TRPC5: variants seen among roughly 807,000 people sequenced by gnomAD.
TRPC5 encodes transient receptor potential cation channel subfamily C member 5, also known as short transient receptor potential channel 5.
In TRPC5, 9 loss-of-function variants were observed where a neutral mutation model predicts 56.5. The observed-to-expected ratio is 0.16, with a 90% CI of 0.10 to 0.28. The LOEUF is 0.28. Ranked by LOEUF, TRPC5 falls within the 10% of genes least tolerant of loss-of-function variation. The pLI, the probability that TRPC5 is intolerant of heterozygous loss-of-function variation, is 1.00. For missense variants in TRPC5, 469 were observed against 748.9 expected (o/e 0.63, Z 4.36); for synonymous variants, 282 against 278.5 (o/e 1.01, Z -0.13).
At chrX:111,867,130 A>G (rs1213627331) in intron 3 of TRPC5, among the ~76,000 whole-genome samples, 1 of 111,845 alleles carries the variant, frequency 8.9e-6, no homozygotes, top group Non-Finnish European at 1.9e-5. Context: ...GATGGTAAAC[A>G]TGTCAGGTTC....
intron 7 of TRPC5, among the ~76,000 whole-genome samples, chrX:111,810,951 T>C (rs1338990473): frequency 8.9e-6 from 1 of 112,135 alleles, no homozygotes; most frequent in Non-Finnish European, 1.9e-5. Context: ...TGAAGAAATA[T>C]GACAAAGCAA....
At position 111,776,574 on chromosome X, in the gene TRPC5, C is replaced by G; in HGVS notation, c.2661G>C (p.Glu887Asp). The G allele has an allele frequency of 8.3e-7, 1 of 1,211,976 alleles. No individual in the cohort carries two copies. The highest frequency in any genetic ancestry group is 1.8e-5 in the South Asian group (1 of 56,992). ...GAGAACAGGCCTCTGCTTTCCCTTT[C>G]TCCATCTGAGAATATCTGATGTCCT... is the stretch of plus-strand genomic sequence containing the variant. ...MWQDIRYSQM[E>D]KGKAEACSQS... The change falls in exon 11 of 11, where the codon GAG (glutamate) becomes GAC (aspartate). Residue 887 changes from glutamate to aspartate, a missense_variant. Coordinates refer to ENST00000262839, the MANE Select transcript of TRPC5 (RefSeq NM_012471.3).
chrX:112,060,013 A>T (rs1211292928), intron 1 of TRPC5, among the ~76,000 whole-genome samples: 1 of 112,257 alleles, frequency 8.9e-6, no homozygotes, highest in Admixed American at 9.5e-5. Flanking sequence ...GACACTGAGG[A>T]CTTATCAAGC....
At chrX:111,781,799 G>A (rs1945922030) in intron 8 of TRPC5, 136 bp downstream of exon 8, 1 of 484,497 alleles carries the variant, frequency 2.1e-6, no homozygotes, top group African/African-American at 2.5e-5. Context: ...GGAGGCTGAG[G>A]CATGAGAATT....
At position 111,952,048 on chromosome X, in the gene TRPC5, T is replaced by G; in HGVS notation, c.373A>C (p.Lys125Gln). 2 of 1,203,033 alleles carry G rather than the reference T, an allele frequency of 1.7e-6. No homozygotes were observed. The highest frequency in any genetic ancestry group is 2.2e-6 in the Non-Finnish European group (2 of 890,322). The change falls in exon 2 of 11, where the codon AAG becomes CAG. Residue 125 changes from lysine to glutamine, a missense_variant. Transcript: ENST00000262839. ...LLSYRRPSGE[K>Q]QVPTLMMDTQ... ...CCTATAGGAATTTCTCTTACCTGCT[T>G]CTCTCCGCTGGGCCGCCTGTAGCTG...
At chrX:111,854,595 A>G (rs894163411) in intron 3 of TRPC5, among the ~76,000 whole-genome samples, 3 of 111,806 alleles carry the variant, frequency 2.7e-5, no homozygotes, top group African/African-American at 9.8e-5. Flanking sequence ...TCATGGAGAT[A>G]TTTCATTTCA....
intron 3 of TRPC5, among the ~76,000 whole-genome samples, chrX:111,858,176 G>A (rs1473990572): frequency 8.9e-6 from 1 of 111,866 alleles, no homozygotes; most frequent in Non-Finnish European, 1.9e-5. Flanking sequence ...AGCTTTGAAA[G>A]CACAATCCTG....
At chrX:111,892,156 C>T (rs753955954) in intron 3 of TRPC5, among the ~76,000 whole-genome samples, 1 of 112,047 alleles carries the variant, frequency 8.9e-6, no homozygotes, top group Non-Finnish European at 1.9e-5. Flanking sequence ...TAGTCTTTCT[C>T]TTATCAAATT....
intron 1 of TRPC5, among the ~76,000 whole-genome samples, chrX:112,038,926 G>A (rs139171447): frequency 0.037 from 3,849 of 105,160 alleles, 77 homozygotes; most frequent in Non-Finnish European, 0.059. Context: ...TCCTGACCTC[G>A]TGATCTGCCC....
At chrX:112,046,195 CTTTTT>C (rs369946250) in intron 1 of TRPC5, among the ~76,000 whole-genome samples, 13 of 88,656 alleles carry the variant, frequency 1.5e-4, no homozygotes, top group Admixed American at 2.5e-4. Flanking sequence ...CCACCCCCAC[CTTTTT>C]TTTTTTTTTT....
At chrX:111,945,816 A>C (rs1926919551) in intron 2 of TRPC5, among the ~76,000 whole-genome samples, 1 of 111,986 alleles carries the variant, frequency 8.9e-6, no homozygotes, top group Non-Finnish European at 1.9e-5. Context: ...GATGGAGGTC[A>C]ATTGTGCCCA....
chrX:111,981,531 T>C (rs769566236), intron 1 of TRPC5, among the ~76,000 whole-genome samples: 14 of 111,869 alleles, frequency 1.3e-4, no homozygotes, highest in African/African-American at 4.5e-4. Flanking sequence ...GACATAAAAT[T>C]AAGCATCACA....
chrX:111,940,376 G>A (rs1168671087), intron 2 of TRPC5, among the ~76,000 whole-genome samples: 1 of 111,649 alleles, frequency 9.0e-6, no homozygotes, highest in Admixed American at 9.5e-5. Flanking sequence ...ATGAAGTCAC[G>A]CACCCTGACA....
intron 2 of TRPC5, among the ~76,000 whole-genome samples, chrX:111,943,640 C>T (rs999539400): frequency 5.3e-5 from 6 of 112,257 alleles, no homozygotes; most frequent in African/African-American, 1.6e-4. Flanking sequence ...CTTGCATTGA[C>T]GCAAGTGACC....
In TRPC5 at chrX:111,854,002, C is replaced by T; in HGVS notation, c.1005G>A (p.Met335Ile). 1.7e-6 allele frequency: 2 copies of T among 1,211,836 alleles called. No individual in the cohort carries two copies. Among genetic ancestry groups the T allele is most frequent in the Non-Finnish European group, 2.2e-6 (2 of 895,519 alleles). Residue 335 changes from methionine (M) to isoleucine (I), a missense_variant, in exon 4 of 11, where the codon ATG (methionine) becomes ATA (isoleucine). Met to Ile is a conservative substitution (Grantham distance 10, BLOSUM62 1). Transcript: ENST00000262839. ...GCATGGGAAACAGGAACCCAATGGT[C>T]ATGCAGGTTAGAAGCTTGACTACCC... ...KHWVVKLLTC[M>I]TIGFLFPMLS...
At chrX:111,827,234 T>C (rs1326467952) in intron 7 of TRPC5, among the ~76,000 whole-genome samples, 1 of 111,408 alleles carries the variant, frequency 9.0e-6, no homozygotes, top group African/African-American at 3.3e-5. Flanking sequence ...AATATTGGAG[T>C]GCCCCAGACT....
intron 1 of TRPC5, among the ~76,000 whole-genome samples, chrX:112,074,209 C>A (rs1407991053): frequency 9.1e-6 from 1 of 109,691 alleles, no homozygotes; most frequent in Non-Finnish European, 1.9e-5. Context: ...ACTCTTCATG[C>A]CTAAATTTCC....
intron 7 of TRPC5, among the ~76,000 whole-genome samples, chrX:111,793,127 G>A (rs941437052): frequency 1.8e-5 from 2 of 110,636 alleles, no homozygotes; most frequent in African/African-American, 3.3e-5. Flanking sequence ...AGCTATAGCC[G>A]CAAGACCAGC....
Position 111,776,980 on chromosome X carries a change from C to A in TRPC5, c.2255G>T (p.Ser752Ile), listed in dbSNP as rs1367848683. The change falls in exon 11 of 11, where the codon AGC becomes ATC. Residue 752 changes from serine (S) to isoleucine (I), a missense_variant. By Grantham distance (142) the Ser-to-Ile change is moderately radical. Around this residue, in one of 3 missense-constraint regions of TRPC5, gnomAD observed 194 missense variants for 221.8 expected, o/e 0.87. Transcript: ENST00000262839. ...NFKELKQDIS[S>I]FRYEVLDLLG... ...GAGGTCAAGCACTTCATACCGAAAG[C>A]TGGAGATGTCTTGCTTTAATTCCTG... 8.7e-7 allele frequency: 1 copy of A among 1,143,661 alleles called. No individual in the cohort carries two copies. Among genetic ancestry groups the A allele is most frequent in the Admixed American group, 2.8e-5 (1 of 35,520 alleles). 94.3% of individuals were successfully genotyped at this position (1,143,661 alleles called of 1,213,427 possible). A position where few individuals can be genotyped will look rare whatever the true frequency, so the allele number is the denominator to read the frequency against.
Sources: allele counts gnomAD v4.1 joint callset (sites outside exome capture counted in the v4.1 genomes callset), GRCh38; gene constraint gnomAD v4.1.1; regional missense constraint gnomAD v4.1.1; transcripts MANE v1.5; gene names NCBI Gene and HGNC (gene_info 2026-07-23, HGNC 2026-07-21).